The following DHX36 variants were observed in gnomAD, a reference collection of about 807,000 sequenced individuals.
The protein encoded by DHX36 is DEAH-box helicase 36.
In DHX36, 50 loss-of-function variants were observed where a neutral mutation model predicts 139.0. The ratio of observed to expected loss-of-function variants is 0.36; its 90% CI spans 0.29 to 0.46. The LOEUF (loss-of-function observed/expected upper bound fraction) is 0.46. Ranked by LOEUF, DHX36 falls within the 20% of genes least tolerant of loss-of-function variation. DHX36 has a pLI of 1.00. For missense variants in DHX36, 1,024 were observed against 1,211.3 expected (o/e 0.85, Z 2.29); for synonymous variants, 425 against 401.9 (o/e 1.06, Z -0.69).
rs1254193407 is a variant in DHX36, at chr3:154,280,756, G to T, written c.2476+7C>A. Reference sequence around the variant, plus strand: ...GATACTTATTTACACTGTGTTTCCTGCTGTACCTGAATTTATATTAGATTC... The same window carrying T: ...GATACTTATTTACACTGTGTTTCCTTCTGTACCTGAATTTATATTAGATTC... On this transcript the variant is annotated splice_region_variant and intron_variant, in intron 21 of 24. Coordinates refer to ENST00000496811, the MANE Select transcript of DHX36 (RefSeq NM_020865.3). The T allele has an allele frequency of 6.2e-7, 1 of 1,611,250 alleles. No individual in the cohort carries two copies. Among genetic ancestry groups the T allele is most frequent in the Non-Finnish European group, 8.5e-7 (1 of 1,177,750 alleles).
At chr3:154,296,077 C>T (rs1438716359) in intron 12 of DHX36, among the ~76,000 whole-genome samples, 1 of 152,138 alleles carries the variant, frequency 6.6e-6, no homozygotes, top group African/African-American at 2.4e-5. Flanking sequence ...CCTGGCAATC[C>T]TCACTATTTT....
At chr3:154,298,693 A>G (rs1712138272) in intron 12 of DHX36, among the ~76,000 whole-genome samples, 2 of 151,576 alleles carry the variant, frequency 1.3e-5, no homozygotes, top group African/African-American at 4.9e-5. Flanking sequence ...AGGCAGGCAG[A>G]TCACAAGGTC....
intron 22 of DHX36, 134 bp from the exon 23 acceptor site, chr3:154,277,852 A>G (rs910241802): frequency 7.6e-6 from 6 of 794,394 alleles, no homozygotes; most frequent in South Asian, 7.7e-5. Context: ...AAAATTCCAG[A>G]GAATAATTCA....
chr3:154,310,824 T>TATATATATGTATATAC (rs1712726702), intron 4 of DHX36, among the ~76,000 whole-genome samples: 5 of 26,420 alleles, frequency 1.9e-4, no homozygotes, highest in African/African-American at 1.0e-3. Context: ...TATATATATA[T>TATATATATGTATATAC]ATATATATAT....
At position 154,299,936 on chromosome 3, in the gene DHX36, G is replaced by C. The variant is rs773727698; in HGVS notation, c.1462-11C>G. On this transcript the variant is annotated splice_polypyrimidine_tract_variant and intron_variant, in intron 11 of 24. Transcript: ENST00000496811. ...CAGTATCGCACCATCCTATATGAAG[G>C]GGAAATAACCATTACAAAGGATCAC... 1.6e-5 allele frequency: 25 copies of C among 1,590,696 alleles called. No individual in the cohort carries two copies. The highest frequency in any genetic ancestry group is 2.2e-5 in the Non-Finnish European group (25 of 1,159,486).
At chr3:154,315,335 GAACAA>G (rs1023562687) in intron 2 of DHX36, 55 bp from the exon 3 acceptor site, 59 of 1,274,732 alleles carry the variant, frequency 4.6e-5, no homozygotes, top group East Asian at 2.3e-4. Context: ...TCAAACACTG[GAACAA>G]AACAAAACAA....
In DHX36 at chr3:154,324,220, T is replaced by C; in HGVS notation, c.197A>G (p.Tyr66Cys). Reference sequence around the variant, plus strand: ...GTTCTTCTGCCCCTGTTTTTTCGCGTACCACATGCCGATTTCGCGGCCTTT... The same window carrying C: ...GTTCTTCTGCCCCTGTTTTTTCGCGCACCACATGCCGATTTCGCGGCCTTT... ...HLKGREIGMW[Y>C]AKKQGQKNKE... The change falls in exon 1 of 25, where the codon TAC becomes TGC. Residue 66 changes from tyrosine to cysteine, a missense_variant. Tyr to Cys is a radical substitution (Grantham distance 194). Around this residue, in one of 4 missense-constraint regions of DHX36, gnomAD observed 293 missense variants for 274.4 expected, o/e 1.07. Coordinates refer to ENST00000496811, the MANE Select transcript of DHX36 (RefSeq NM_020865.3). 2.5e-6 allele frequency: 4 copies of C among 1,613,534 alleles called. No homozygotes were observed. The highest frequency in any genetic ancestry group is 3.4e-6 in the Non-Finnish European group (4 of 1,179,656).
chr3:154,293,182 A>G (rs185229953), intron 14 of DHX36, among the ~76,000 whole-genome samples: 22 of 152,288 alleles, frequency 1.4e-4, no homozygotes, highest in Non-Finnish European at 1.5e-5. Context: ...GCGAAAGGAC[A>G]AAATTTACCT....
intron 20 of DHX36, 89 bp from the exon 21 acceptor site, chr3:154,280,951 G>C: frequency 1.1e-6 from 1 of 931,462 alleles, no homozygotes; most frequent in Non-Finnish European, 1.6e-6. Flanking sequence ...TGAGTTGTAA[G>C]CTATCCCTGC....
intron 12 of DHX36, among the ~76,000 whole-genome samples, chr3:154,296,643 G>A (rs939456778): frequency 6.6e-6 from 1 of 152,152 alleles, no homozygotes; most frequent in African/African-American, 2.4e-5. Flanking sequence ...ACAGTGATGG[G>A]TGAAAGGGAG....
chr3:154,314,835 A>C, intron 3 of DHX36: 1 of 442,434 alleles, frequency 2.3e-6, no homozygotes, highest in Non-Finnish European at 4.0e-6. Flanking sequence ...TCACCACATA[A>C]GCTTCTGTGG....
rs1450552751 is a variant in DHX36, at chr3:154,304,073, TAAC to T, written c.1136-666_1136-664del. Among the ~76,000 whole-genome samples the T allele has an allele frequency of 3.3e-5, 5 of 152,268 alleles. No individual in the cohort carries two copies. The South Asian group carries it at 8.3e-4, about 25-fold the overall frequency. On this transcript the variant is annotated intron_variant, in intron 8 of 24. Coordinates refer to ENST00000496811, the MANE Select transcript of DHX36 (RefSeq NM_020865.3). Reference sequence around the variant, plus strand: ...TAGTTCTAGAAGTCTCATTTAAAAATAACAATAATAACACCTACCCCAACTAAT... The same window carrying T: ...TAGTTCTAGAAGTCTCATTTAAAAATAATAATAACACCTACCCCAACTAAT...
At chr3:154,277,559 T>A in intron 23 of DHX36, 39 bp downstream of exon 23, 1 of 1,558,118 alleles carries the variant, frequency 6.4e-7, no homozygotes, top group Non-Finnish European at 8.7e-7. Context: ...ACAATGAGAC[T>A]GATAATCAGA....
chr3:154,280,673 TG>T lies in DHX36; in HGVS notation c.2477-5del. On this transcript the variant is annotated splice_polypyrimidine_tract_variant and splice_region_variant and intron_variant, in intron 21 of 24. Coordinates refer to ENST00000496811, the MANE Select transcript of DHX36 (RefSeq NM_020865.3). ...GCTTTAATTATCTTCTCATTATCTA[TG>T]GGGGGTGAGAAGGTAGAGGGGAAAA... 6.2e-7 allele frequency: 1 copy of T among 1,611,858 alleles called. No homozygotes were observed. Among genetic ancestry groups the T allele is most frequent in the Non-Finnish European group, 8.5e-7 (1 of 1,178,438 alleles).
At chr3:154,300,373 CACTTTTAAAA>C (rs1299925955) in intron 11 of DHX36, among the ~76,000 whole-genome samples, 1 of 152,152 alleles carries the variant, frequency 6.6e-6, no homozygotes, top group African/African-American at 2.4e-5. Context: ...CAGCTAAGCT[CACTTTTAAAA>C]AATGAGATTT....
chr3:154,321,523 A>G lies in DHX36; in HGVS notation c.243+2651T>C, dbSNP rs144468172. Among the ~76,000 whole-genome samples the G allele has an allele frequency of 7.1e-4, 108 of 152,366 alleles. 2 individuals carry two copies. The East Asian group carries it at 0.018, about 26-fold the overall frequency. ...AATACCTTAATACTGTATTCTATTTATCGCTCCAAACACACCACAATCTCT... is the reference window on the plus strand; with the variant it reads ...AATACCTTAATACTGTATTCTATTTGTCGCTCCAAACACACCACAATCTCT... On this transcript the variant is annotated intron_variant, in intron 1 of 24. Transcript: ENST00000496811.
At position 154,316,091 on chromosome 3, in the gene DHX36, T is replaced by G; in HGVS notation, c.316A>C (p.Asn106His). 1 of 1,613,406 alleles carries G rather than the reference T, an allele frequency of 6.2e-7. No individual in the cohort carries two copies. ...VQLLNSVQAK[N>H]DKESEAQISW... ...ATCTGTGCTTCTGACTCTTTATCAT[T>G]CTTCGCTTGAACAGAATTCAGTAAC... is the stretch of plus-strand genomic sequence containing the variant. Residue 106 changes from asparagine (N) to histidine (H), a missense_variant, in exon 2 of 25, where the codon AAT becomes CAT. Around this residue, in one of 4 missense-constraint regions of DHX36, gnomAD observed 293 missense variants for 274.4 expected, o/e 1.07. Coordinates refer to ENST00000496811, the MANE Select transcript of DHX36 (RefSeq NM_020865.3).
chr3:154,317,974 C>A (rs1311112131), intron 1 of DHX36, among the ~76,000 whole-genome samples: 2 of 151,930 alleles, frequency 1.3e-5, no homozygotes, highest in African/African-American at 2.4e-5. Context: ...TAAACAAACA[C>A]CAAAATAGCT....
chr3:154,314,448 T>G (rs1247324242), intron 3 of DHX36, among the ~76,000 whole-genome samples: 1 of 152,174 alleles, frequency 6.6e-6, no homozygotes, highest in African/African-American at 2.4e-5. Context: ...CCTCAGTAAT[T>G]TCTCTTAAAC....
Sources: allele counts gnomAD v4.1 joint callset (sites outside exome capture counted in the v4.1 genomes callset), GRCh38; gene constraint gnomAD v4.1.1; regional missense constraint gnomAD v4.1.1; transcripts MANE v1.5; gene names NCBI Gene and HGNC (gene_info 2026-07-23, HGNC 2026-07-21).